DYNC2H1: variants seen among roughly 807,000 people sequenced by gnomAD.
The protein encoded by DYNC2H1 is cytoplasmic dynein 2 heavy chain 1.
A neutral mutation model predicts 570.0 loss-of-function variants in DYNC2H1; 410 were observed. The observed-to-expected ratio is 0.72, with a 90% CI of 0.66 to 0.78. DYNC2H1 has a LOEUF of 0.78. Among genes scored for constraint, DYNC2H1 ranks in the 30% least tolerant of loss-of-function variants. The probability of loss-of-function intolerance (pLI) is 0.00; values close to 1 mark genes in which losing one functional copy is unlikely to be tolerated. For synonymous variants in DYNC2H1, 1,688 were observed against 1,677.6 expected (o/e 1.01, Z -0.15); for missense variants, 4,865 against 5,046.4 (o/e 0.96, Z 1.09).
In DYNC2H1 at chr11:103,181,714, A is replaced by T; in HGVS notation, c.6348-43A>T. 1 of 1,487,934 alleles carries T rather than the reference A, an allele frequency of 6.7e-7. No individual in the cohort carries two copies. The highest frequency in any genetic ancestry group is 9.0e-7 in the Non-Finnish European group (1 of 1,111,472). 92.2% of individuals were successfully genotyped at this position (1,487,934 alleles called of 1,614,324 possible). Reference sequence around the variant, plus strand: ...GAAATTTATTTTAATGTAAATTGATAATTTCTTCCTAAGTAATTTTTTATT... The same window carrying T: ...GAAATTTATTTTAATGTAAATTGATTATTTCTTCCTAAGTAATTTTTTATT... On this transcript the variant is annotated intron_variant, in intron 39 of 88. Transcript: ENST00000375735. The surrounding 1 kb of genome is among the most constrained non-coding windows in gnomAD (Gnocchi z 5.0).
intron 59 of DYNC2H1, among the ~76,000 whole-genome samples, chr11:103,229,304 CA>C (rs1863917373): frequency 6.6e-6 from 1 of 152,174 alleles, no homozygotes; most frequent in African/African-American, 2.4e-5. Flanking sequence ...GAAAGTTCAC[CA>C]TGTAAGTCTC....
At chr11:103,309,570 G>T (rs909187624) in intron 78 of DYNC2H1, among the ~76,000 whole-genome samples, 2 of 151,264 alleles carry the variant, frequency 1.3e-5, no homozygotes, top group African/African-American at 4.8e-5. Flanking sequence ...AAAAAAAAGG[G>T]TAAGCATTAA....
intron 17 of DYNC2H1, among the ~76,000 whole-genome samples, chr11:103,138,128 C>T (rs1283972935): frequency 1.3e-5 from 2 of 152,002 alleles, no homozygotes; most frequent in Non-Finnish European, 2.9e-5. Flanking sequence ...AGATTTTGGG[C>T]TGAGACAATG....
chr11:103,365,955 A>G lies in DYNC2H1; in HGVS notation c.12156+7596A>G, dbSNP rs368670150. ...GTGAAGTAGTTTTGAATGCAGGACA[A>G]TAGAACTGGGAAATGAATTTATATC... On this transcript the variant is annotated intron_variant, in intron 83 of 88. Coordinates refer to ENST00000375735, the MANE Select transcript of DYNC2H1 (RefSeq NM_001377.3). Among the ~76,000 whole-genome samples the G allele has an allele frequency of 2.0e-4, 30 of 152,362 alleles. No homozygotes were observed. In the East Asian group the frequency reaches 3.5e-3, roughly 18 times the overall value.
chr11:103,257,875 A>C, intron 69 of DYNC2H1, 124 bp downstream of exon 69: 2 of 1,048,384 alleles, frequency 1.9e-6, no homozygotes, highest in South Asian at 7.2e-5. Flanking sequence ...AAAAGACCAC[A>C]TGTAACACTT....
intron 59 of DYNC2H1, among the ~76,000 whole-genome samples, chr11:103,230,547 A>G (rs549399669): frequency 6.6e-6 from 1 of 152,254 alleles, no homozygotes; most frequent in East Asian, 1.9e-4. Flanking sequence ...TCAATAGAGG[A>G]TGGATTCTGA....
chr11:103,330,697 C>T (rs1938738490), intron 82 of DYNC2H1, among the ~76,000 whole-genome samples: 1 of 151,488 alleles, frequency 6.6e-6, no homozygotes, highest in African/African-American at 2.4e-5. Flanking sequence ...AATAGTAGGT[C>T]CCTTTATGAC....
intron 82 of DYNC2H1, among the ~76,000 whole-genome samples, chr11:103,346,878 C>T (rs1289647402): frequency 6.6e-6 from 1 of 152,058 alleles, no homozygotes; most frequent in African/African-American, 2.4e-5. Flanking sequence ...TTGGTTCAGA[C>T]AATTATTATC....
intron 21 of DYNC2H1, among the ~76,000 whole-genome samples, 165 bp downstream of exon 21, chr11:103,152,450 T>C (rs1455972182): frequency 6.6e-6 from 1 of 152,188 alleles, no homozygotes; most frequent in Non-Finnish European, 1.5e-5. Flanking sequence ...TGATGATTGT[T>C]TCACATGGTT....
At chr11:103,119,243 G>GTTA (rs755433183) in intron 6 of DYNC2H1, among the ~76,000 whole-genome samples, 2 of 151,898 alleles carry the variant, frequency 1.3e-5, no homozygotes, top group South Asian at 2.1e-4. Flanking sequence ...GTCCATTTTA[G>GTTA]TTATTATTAT....
At chr11:103,375,016 A>G (rs1941334995) in intron 83 of DYNC2H1, among the ~76,000 whole-genome samples, 1 of 152,148 alleles carries the variant, frequency 6.6e-6, no homozygotes, top group African/African-American at 2.4e-5. Context: ...GGAGAGAAAA[A>G]TGGTTTCTTG....
chr11:103,376,612 A>G (rs1941404366), intron 83 of DYNC2H1, among the ~76,000 whole-genome samples: 1 of 152,092 alleles, frequency 6.6e-6, no homozygotes, highest in Non-Finnish European at 1.5e-5. Flanking sequence ...TATTTGTGTT[A>G]TCTTGATTTA....
intron 78 of DYNC2H1, among the ~76,000 whole-genome samples, chr11:103,308,554 T>C (rs556792667): frequency 1.6e-4 from 24 of 152,346 alleles, no homozygotes; most frequent in African/African-American, 5.3e-4. Context: ...ATTCTATTTT[T>C]AAGTTTTTGA....
intron 85 of DYNC2H1, among the ~76,000 whole-genome samples, chr11:103,442,985 C>A (rs1277616550): frequency 7.2e-6 from 1 of 138,282 alleles, no homozygotes; most frequent in African/African-American, 2.8e-5. Context: ...TTTTTTTTGC[C>A]ATTTAAAGGC....
chr11:103,125,159 A>G lies in DYNC2H1; in HGVS notation c.1721A>G (p.His574Arg), dbSNP rs760038989. 6 of 1,613,642 alleles carry G rather than the reference A, an allele frequency of 3.7e-6. No individual in the cohort carries two copies. In the East Asian group the frequency reaches 8.9e-5, roughly 24 times the overall value. ...TCTAATGATGGATTACTAAAAGTGC[A>G]TTATTCAGATCGTTTGGTGATTCTT... Reference protein sequence around the residue: ...LDSNDGLLKVHYSDRLVILLR... With the variant: ...LDSNDGLLKVRYSDRLVILLR... Residue 574 changes from histidine (H) to arginine (R), a missense_variant, in exon 12 of 89, where the codon CAT (histidine) becomes CGT (arginine). His to Arg is a conservative substitution (Grantham distance 29, BLOSUM62 0). This residue lies in a region of DYNC2H1 where 1,936 missense variants were observed against 1,962.1 expected (regional missense o/e 0.99). Transcript: ENST00000375735.
chr11:103,293,457 TTCTC>T (rs1463763806), intron 75 of DYNC2H1, among the ~76,000 whole-genome samples: 28 of 152,312 alleles, frequency 1.8e-4, no homozygotes, highest in African/African-American at 6.7e-4. Flanking sequence ...ATTCTTATCT[TTCTC>T]TATGCTAGGC....
intron 82 of DYNC2H1, among the ~76,000 whole-genome samples, chr11:103,343,996 G>C (rs1426395553): frequency 6.6e-6 from 1 of 152,166 alleles, no homozygotes; most frequent in African/African-American, 2.4e-5. Flanking sequence ...ACAGTTCTTA[G>C]AACAGTCTTC....
Position 103,321,042 on chromosome 11 carries a change from A to G in DYNC2H1, c.11739A>G (p.Val3913=), listed in dbSNP as rs900189102. ...TTAAAATTATAGGTGCCAAAGATGT[A>G]CAATGGGAATTTGTACATGGTTTAC... ...IDRLFDGAKD[V]QWEFVHGLLE... The change falls in exon 81 of 89, where the codon GTA becomes GTG. Residue 3913 remains valine (V), a synonymous_variant. Coordinates refer to ENST00000375735, the MANE Select transcript of DYNC2H1 (RefSeq NM_001377.3). 3.1e-6 allele frequency: 5 copies of G among 1,609,442 alleles called. No individual in the cohort carries two copies. In the African/African-American group the frequency reaches 4.0e-5, roughly 13 times the overall value.
intron 47 of DYNC2H1, among the ~76,000 whole-genome samples, chr11:103,197,166 T>G (rs1464230878): frequency 6.6e-6 from 1 of 152,294 alleles, no homozygotes; most frequent in Admixed American, 6.5e-5. Context: ...CTTTTTGGTA[T>G]TAATACATCT....
Sources: allele counts gnomAD v4.1 joint callset (sites outside exome capture counted in the v4.1 genomes callset), GRCh38; gene constraint gnomAD v4.1.1; regional missense constraint gnomAD v4.1.1; non-coding constraint Gnocchi (gnomAD v3.1); transcripts MANE v1.5; gene names NCBI Gene and HGNC (gene_info 2026-07-23, HGNC 2026-07-21).